Variants in ZNF365 observed in about 807,000 individuals in gnomAD.
ZNF365 encodes protein ZNF365.
In ZNF365, 22 loss-of-function variants were observed where a neutral mutation model predicts 35.0. That is an observed-to-expected ratio of 0.63 (90% CI 0.45 to 0.90). The LOEUF is 0.90. ZNF365 is among the 40% of genes least tolerant of loss of function. The probability of loss-of-function intolerance (pLI) is 0.00; values close to 1 mark genes in which losing one functional copy is unlikely to be tolerated. For missense variants in ZNF365, 448 were observed against 500.3 expected (o/e 0.90, Z 1.00); for synonymous variants, 188 against 196.2 (o/e 0.96, Z 0.35).
intron 3 of ZNF365, among the ~76,000 whole-genome samples, chr10:62,408,905 G>A (rs1839944341): frequency 6.6e-6 from 1 of 152,116 alleles, no homozygotes; most frequent in South Asian, 2.1e-4. Context: ...CCCCAGCAGG[G>A]TCAAGATAGC....
At chr10:62,460,028 T>G (rs1002770844) in intron 4 of ZNF365, among the ~76,000 whole-genome samples, 1 of 152,226 alleles carries the variant, frequency 6.6e-6, no homozygotes, top group East Asian at 1.9e-4. Context: ...CTATATATGA[T>G]GTTCCTTTTA....
intron 3 of ZNF365, among the ~76,000 whole-genome samples, chr10:62,448,094 T>C (rs1840619447): frequency 6.6e-6 from 1 of 152,232 alleles, no homozygotes; most frequent in Non-Finnish European, 1.5e-5. Flanking sequence ...ATTCAATTTC[T>C]TTTTGTTGCA....
chr10:62,430,008 A>T (rs1482905811), intron 3 of ZNF365, among the ~76,000 whole-genome samples: 4 of 152,228 alleles, frequency 2.6e-5, no homozygotes, highest in Non-Finnish European at 5.9e-5. Flanking sequence ...GAATCTTGTC[A>T]TTAACATTGT....
downstream of ZNF365, among the ~76,000 whole-genome samples, chr10:62,406,951 T>A (rs770918228): frequency 6.6e-6 from 1 of 152,144 alleles, no homozygotes; most frequent in Non-Finnish European, 1.5e-5. Context: ...ACAGCATCAT[T>A]CCTGGAACCT....
chr10:62,446,492 G>A (rs1225257436), intron 3 of ZNF365, among the ~76,000 whole-genome samples: 1 of 152,076 alleles, frequency 6.6e-6, no homozygotes, highest in Non-Finnish European at 1.5e-5. Context: ...CACAAGTTCT[G>A]GATACATGCT....
At chr10:62,447,604 C>G (rs910104021) in intron 3 of ZNF365, among the ~76,000 whole-genome samples, 1 of 152,198 alleles carries the variant, frequency 6.6e-6, no homozygotes, top group African/African-American at 2.4e-5. Context: ...GACTCAGAAC[C>G]TACCATTCAC....
intron 3 of ZNF365, among the ~76,000 whole-genome samples, chr10:62,456,222 C>G (rs1159451800): frequency 6.6e-6 from 1 of 151,950 alleles, no homozygotes; most frequent in African/African-American, 2.4e-5. Context: ...TGGGACACCA[C>G]AGATCTCCAT....
chr10:62,453,082 G>A (rs1478468052), intron 3 of ZNF365, among the ~76,000 whole-genome samples: 1 of 152,172 alleles, frequency 6.6e-6, no homozygotes, highest in East Asian at 1.9e-4. Context: ...AGCCTATTTG[G>A]TAGAATAGCT....
At chr10:62,381,673 A>G (rs4104476) in intron 2 of ZNF365, among the ~76,000 whole-genome samples, 85,448 of 151,930 alleles carry the variant, frequency 0.56, 25,556 homozygotes, top group East Asian at 0.78. Context: ...TGGCATCATC[A>G]GTGTGGTCAT....
chr10:62,400,416 T>G lies in ZNF365; in HGVS notation c.*627T>G, dbSNP rs531234214. 3,121 of 986,142 alleles carry G rather than the reference T, an allele frequency of 3.2e-3. 4 individuals are homozygous for G. Among genetic ancestry groups the G allele is most frequent in the Non-Finnish European group, 3.4e-3 (2,806 of 830,046 alleles). The allele number at this position is 986,142 out of a possible 1,614,324, so 61.1% of individuals were successfully genotyped here. On this transcript the variant is annotated 3_prime_UTR_variant, in exon 5 of 5. Coordinates refer to ENST00000395254, the MANE Select transcript of ZNF365 (RefSeq NM_014951.3). ...GTGTCTTTCAGTTCGTTTGTTTGAT[T>G]GAGGTTTTTTGGTGGCCTAGATGCA... is the stretch of plus-strand genomic sequence containing the variant.
intron 3 of ZNF365, among the ~76,000 whole-genome samples, chr10:62,430,427 G>A (rs1014869409): frequency 2.6e-5 from 4 of 152,068 alleles, no homozygotes; most frequent in African/African-American, 9.7e-5. Flanking sequence ...TGATCCACCC[G>A]CCTCGGCCTC....
intron 3 of ZNF365, among the ~76,000 whole-genome samples, chr10:62,438,100 G>C (rs1396871377): frequency 1.3e-5 from 2 of 152,100 alleles, no homozygotes; most frequent in Non-Finnish European, 2.9e-5. Context: ...TAAATATTGA[G>C]AGTCCACAGA....
intron 3 of ZNF365, among the ~76,000 whole-genome samples, chr10:62,389,891 G>A (rs1839597839): frequency 6.6e-6 from 1 of 152,186 alleles, no homozygotes; most frequent in Non-Finnish European, 1.5e-5. Context: ...CTGGGTGGAT[G>A]TCTGTGGTCT....
At chr10:62,417,981 G>T (rs1297042760) in intron 3 of ZNF365, among the ~76,000 whole-genome samples, 1 of 151,926 alleles carries the variant, frequency 6.6e-6, no homozygotes, top group Non-Finnish European at 1.5e-5. Context: ...GAGGGGACAA[G>T]AATGGAACTA....
intron 3 of ZNF365, among the ~76,000 whole-genome samples, chr10:62,413,482 C>A (rs1486964339): frequency 3.3e-5 from 5 of 152,100 alleles, no homozygotes; most frequent in African/African-American, 1.2e-4. Context: ...TTATAGTAAA[C>A]GCTTCAAAAA....
At chr10:62,436,409 A>C (rs1840408258) in intron 3 of ZNF365, among the ~76,000 whole-genome samples, 1 of 152,224 alleles carries the variant, frequency 6.6e-6, no homozygotes, top group Non-Finnish European at 1.5e-5. Flanking sequence ...TAGGAGAAAA[A>C]AAAGCCACTG....
intron 3 of ZNF365, among the ~76,000 whole-genome samples, chr10:62,447,602 A>G (rs985737004): frequency 2.0e-5 from 3 of 152,182 alleles, no homozygotes; most frequent in Admixed American, 6.5e-5. Context: ...AGGACTCAGA[A>G]CCTACCATTC....
chr10:62,427,240 C>A (rs1840264160), intron 3 of ZNF365, among the ~76,000 whole-genome samples: 1 of 152,142 alleles, frequency 6.6e-6, no homozygotes, highest in African/African-American at 2.4e-5. Context: ...CAACAATGGA[C>A]CTCATCTATG....
chr10:62,450,366 C>G (rs971284023), intron 3 of ZNF365, among the ~76,000 whole-genome samples: 2 of 152,246 alleles, frequency 1.3e-5, no homozygotes, highest in East Asian at 1.9e-4. Context: ...AGATAAGAAG[C>G]CTGAGGCTTC....
Sources: allele counts gnomAD v4.1 joint callset (sites outside exome capture counted in the v4.1 genomes callset), GRCh38; gene constraint gnomAD v4.1.1; transcripts MANE v1.5; gene names NCBI Gene and HGNC (gene_info 2026-07-23, HGNC 2026-07-21).